Variants in CSMD1 observed in about 807,000 individuals in gnomAD.
The protein encoded by CSMD1 is CUB and sushi domain-containing protein 1.
Under a neutral mutation model 417.5 loss-of-function variants are expected in CSMD1, and 213 were observed. The ratio of observed to expected loss-of-function variants is 0.51; its 90% CI spans 0.46 to 0.57. The LOEUF (loss-of-function observed/expected upper bound fraction) is 0.57, where lower values mean the gene tolerates loss of function less well. Ranked by LOEUF, CSMD1 falls within the 20% of genes least tolerant of loss-of-function variation. The pLI is 0.00. For missense variants in CSMD1, 6,923 were observed against 4,529.7 expected, an observed-to-expected ratio of 1.53 and a Z score of -15.17; for synonymous variants, 2,862 against 1,736.8, an observed-to-expected ratio of 1.65 and a Z score of -16.11.
chr8:3,044,375 C>T (rs1200494418), intron 50 of CSMD1, among the ~76,000 whole-genome samples: 3 of 152,150 alleles, frequency 2.0e-5, no homozygotes, highest in African/African-American at 7.2e-5. Flanking sequence ...TTTACTTTGT[C>T]CCAGAAAAGA....
chr8:2,961,767 C>G (rs1171435358), intron 61 of CSMD1, among the ~76,000 whole-genome samples: 1 of 152,160 alleles, frequency 6.6e-6, no homozygotes, highest in Non-Finnish European at 1.5e-5. Context: ...CTACAGTTAC[C>G]AGTAGAAAAA....
In CSMD1 at chr8:4,807,779, T is replaced by C. The variant is rs148700832; in HGVS notation, c.86-170221A>G. ...CACAGTATGTAAACTATCAGCTCTA[T>C]ATCTGACATAGAATAATGGATCCAT... On this transcript the variant is annotated intron_variant, in intron 1 of 69. Coordinates refer to ENST00000635120, the MANE Select transcript of CSMD1 (RefSeq NM_033225.6). Among the ~76,000 whole-genome samples the C allele has an allele frequency of 2.0e-4, 30 of 152,334 alleles. No individual in the cohort carries two copies. The East Asian group carries it at 5.2e-3, about 26-fold the overall frequency.
chr8:3,452,444 G>A (rs1347262882), intron 12 of CSMD1, among the ~76,000 whole-genome samples: 1 of 152,096 alleles, frequency 6.6e-6, no homozygotes, highest in Non-Finnish European at 1.5e-5. Flanking sequence ...TATGATATTG[G>A]CTGTGGGTTT....
chr8:2,950,120 GC>G (rs1802525035), intron 67 of CSMD1, 110 bp downstream of exon 67: 1 of 681,956 alleles, frequency 1.5e-6, no homozygotes, highest in Non-Finnish European at 2.6e-6. Context: ...TTTTCAAGGG[GC>G]AGACACAAGA....
At chr8:3,565,816 A>G (rs193165050) in intron 10 of CSMD1, among the ~76,000 whole-genome samples, 46 of 151,096 alleles carry the variant, frequency 3.0e-4, no homozygotes, top group African/African-American at 1.1e-3. Context: ...TCTCAAATAT[A>G]TTGTTTTTTT....
chr8:4,783,777 C>T (rs1797271268), intron 1 of CSMD1, among the ~76,000 whole-genome samples: 1 of 152,180 alleles, frequency 6.6e-6, no homozygotes, highest in Non-Finnish European at 1.5e-5. Context: ...GGTGATGCCT[C>T]ATTTGTAACT....
chr8:4,693,086 C>T lies in CSMD1; in HGVS notation c.86-55528G>A, dbSNP rs750390881. 4.6e-5 allele frequency among the ~76,000 whole-genome samples: 7 copies of T among 152,190 alleles called. No individual in the cohort carries two copies. The South Asian group carries it at 1.0e-3, about 23-fold the overall frequency. ...CTACACTACACAGCTTTCTTCTCCA[C>T]ATCCTCTCGGAAGTTCCCAGGGCCC... On this transcript the variant is annotated intron_variant, in intron 1 of 69. Coordinates refer to ENST00000635120, the MANE Select transcript of CSMD1 (RefSeq NM_033225.6).
chr8:4,338,740 T>G (rs1235758100), intron 3 of CSMD1, among the ~76,000 whole-genome samples: 2 of 152,102 alleles, frequency 1.3e-5, no homozygotes, highest in Non-Finnish European at 2.9e-5. Flanking sequence ...TTCGCCTAAT[T>G]CATAAGCGAA....
In CSMD1 at chr8:3,187,934, T is replaced by G; in HGVS notation, c.5555A>C (p.Asn1852Thr). ...ATCGTGGATCTCAAGGGAGTCCCAG[T>G]TCTGCTCCGTGGCAAAACTGATCAC... ...IQVISFATEQ[N>T]WDSLEIHDGG... The change falls in exon 36 of 70, where the codon AAC (asparagine) becomes ACC (threonine). Residue 1852 changes from asparagine (N) to threonine (T), a missense_variant. Asn to Thr is a moderately conservative substitution (Grantham distance 65). Transcript: ENST00000635120. 6.2e-7 allele frequency: 1 copy of G among 1,613,422 alleles called. No homozygotes were observed.
chr8:3,871,623 T>C (rs1805488288), intron 5 of CSMD1, among the ~76,000 whole-genome samples: 1 of 152,204 alleles, frequency 6.6e-6, no homozygotes. Flanking sequence ...TTATACAGGA[T>C]ATATTTTTTC....
At chr8:4,610,244 A>G (rs768260953) in intron 2 of CSMD1, among the ~76,000 whole-genome samples, 3 of 152,200 alleles carry the variant, frequency 2.0e-5, no homozygotes, top group Admixed American at 6.5e-5. Context: ...TAAATCCTTC[A>G]TAGAGATCAA....
intron 2 of CSMD1, among the ~76,000 whole-genome samples, chr8:4,429,182 A>T (rs1012626331): frequency 2.6e-5 from 4 of 151,174 alleles, no homozygotes; most frequent in Admixed American, 2.0e-4. Flanking sequence ...ATATAATTGG[A>T]TAGAATTCTA....
intron 3 of CSMD1, among the ~76,000 whole-genome samples, chr8:4,060,673 A>G (rs556043264): frequency 2.0e-5 from 3 of 152,156 alleles, no homozygotes; most frequent in African/African-American, 4.8e-5. Flanking sequence ...TGGCATGAAC[A>G]TAGATAAGGC....
chr8:4,818,390 C>T (rs1394558339), intron 1 of CSMD1, among the ~76,000 whole-genome samples: 2 of 152,134 alleles, frequency 1.3e-5, no homozygotes, highest in Non-Finnish European at 2.9e-5. Context: ...GAAAGCTCCC[C>T]TTGAACAATA....
intron 18 of CSMD1, among the ~76,000 whole-genome samples, chr8:3,374,782 C>T (rs1053150687): frequency 4.6e-5 from 7 of 152,196 alleles, no homozygotes; most frequent in Admixed American, 2.6e-4. Flanking sequence ...CATGGCAAAG[C>T]ACACAGCCCT....
intron 26 of CSMD1, among the ~76,000 whole-genome samples, chr8:3,253,512 T>A (rs1300391170): frequency 6.6e-6 from 1 of 152,150 alleles, no homozygotes; most frequent in Non-Finnish European, 1.5e-5. Context: ...TCTGTTGATT[T>A]GGGGTGGAGA....
At chr8:3,662,904 T>G (rs1798492812) in intron 7 of CSMD1, among the ~76,000 whole-genome samples, 1 of 152,088 alleles carries the variant, frequency 6.6e-6, no homozygotes, top group African/African-American at 2.4e-5. Context: ...GCTTAAAACC[T>G]AGATGATGGG....
At chr8:3,109,818 C>T (rs975704874) in intron 43 of CSMD1, among the ~76,000 whole-genome samples, 10 of 151,626 alleles carry the variant, frequency 6.6e-5, no homozygotes, top group Non-Finnish European at 1.3e-4. Flanking sequence ...GTAAGCCACA[C>T]AGACATACAC....
intron 1 of CSMD1, among the ~76,000 whole-genome samples, chr8:4,690,322 G>C (rs1806685634): frequency 6.6e-6 from 1 of 152,164 alleles, no homozygotes; most frequent in Admixed American, 6.5e-5. Flanking sequence ...GTAAAAAGCA[G>C]TGGAAAAAAT....
Sources: allele counts gnomAD v4.1 joint callset (sites outside exome capture counted in the v4.1 genomes callset), GRCh38; gene constraint gnomAD v4.1.1; transcripts MANE v1.5; gene names NCBI Gene and HGNC (gene_info 2026-07-23, HGNC 2026-07-21).